CADM2: variants seen among roughly 807,000 people sequenced by gnomAD.
The protein encoded by CADM2 is immunoglobulin superfamily member 4D.
CADM2 carries 12 observed loss-of-function variants against 49.8 expected under a neutral mutation model. The observed-to-expected ratio is 0.24, with a 90% CI of 0.15 to 0.39. The LOEUF (loss-of-function observed/expected upper bound fraction) is 0.39. CADM2 is among the 10% of genes least tolerant of loss of function. The pLI is 1.00. For synonymous variants in CADM2, 214 were observed against 175.4 expected (o/e 1.22, Z -1.74); for missense variants, 378 against 492.3 (o/e 0.77, Z 2.20).
At chr3:85,759,785 C>T (rs1201913967) in intron 2 of CADM2, among the ~76,000 whole-genome samples, 1 of 152,028 alleles carries the variant, frequency 6.6e-6, no homozygotes, top group African/African-American at 2.4e-5. Flanking sequence ...ACAGTCTCTG[C>T]CATACTGGGG....
intron 1 of CADM2, among the ~76,000 whole-genome samples, chr3:85,343,135 C>T (rs976572995): frequency 2.6e-5 from 4 of 152,080 alleles, no homozygotes; most frequent in African/African-American, 9.7e-5. Flanking sequence ...TGGGTAGGGG[C>T]AGGGATGCTG....
intron 1 of CADM2, among the ~76,000 whole-genome samples, chr3:85,361,349 T>C (rs966137026): frequency 6.6e-6 from 1 of 152,156 alleles, no homozygotes; most frequent in Non-Finnish European, 1.5e-5. Context: ...AGTTTCTGAT[T>C]GGTACACAGT....
At chr3:85,959,033 T>C (rs1210211344) in intron 7 of CADM2, among the ~76,000 whole-genome samples, 5 of 128,756 alleles carry the variant, frequency 3.9e-5, no homozygotes, top group Non-Finnish European at 7.6e-5. Context: ...AAAAAATCTA[T>C]ATCTATATCT....
At chr3:85,332,092 A>G (rs1486999213) in intron 1 of CADM2, among the ~76,000 whole-genome samples, 1 of 152,092 alleles carries the variant, frequency 6.6e-6, no homozygotes, top group African/African-American at 2.4e-5. Context: ...TCCTCACATC[A>G]GTCACAATAT....
chr3:85,133,816 G>C (rs369907713), intron 1 of CADM2, among the ~76,000 whole-genome samples: 4 of 152,218 alleles, frequency 2.6e-5, no homozygotes, highest in African/African-American at 9.6e-5. Context: ...ATCCCTCACC[G>C]GGGCTGCAGG....
At chr3:85,275,667 A>G (rs1576261526) in intron 1 of CADM2, among the ~76,000 whole-genome samples, 3 of 151,214 alleles carry the variant, frequency 2.0e-5, no homozygotes, top group Non-Finnish European at 4.4e-5. Flanking sequence ...TGCATATTTT[A>G]CAAAATGTTC....
chr3:85,218,556 T>C (rs1170128922), intron 1 of CADM2, among the ~76,000 whole-genome samples: 2 of 152,122 alleles, frequency 1.3e-5, no homozygotes, highest in African/African-American at 4.8e-5. Flanking sequence ...CCAGCACTTT[T>C]GGAGCCCGAG....
intron 1 of CADM2, among the ~76,000 whole-genome samples, chr3:85,488,401 A>G (rs1264504064): frequency 1.3e-5 from 2 of 152,272 alleles, no homozygotes; most frequent in East Asian, 3.9e-4. Context: ...GATCCACTAA[A>G]CATGGTAGCC....
chr3:85,803,518 T>TAGATAGATAGAC, intron 3 of CADM2, among the ~76,000 whole-genome samples: 1 of 151,844 alleles, frequency 6.6e-6, no homozygotes, highest in Admixed American at 6.6e-5. Context: ...GATAGATAGA[T>TAGATAGATAGAC]AGATAGATAG....
chr3:85,269,714 A>C (rs2043195290), intron 1 of CADM2, among the ~76,000 whole-genome samples: 1 of 151,418 alleles, frequency 6.6e-6, no homozygotes, highest in Non-Finnish European at 1.5e-5. Flanking sequence ...ATCAAAAGAC[A>C]TATGGCATTA....
rs192177647 is a variant in CADM2 at position 85,532,745 on chromosome 3, A to T, written c.62-193777A>T. Among the ~76,000 whole-genome samples the T allele has an allele frequency of 2.0e-5, 3 of 152,344 alleles. No individual in the cohort carries two copies. The East Asian group carries it at 5.8e-4, about 29-fold the overall frequency. On this transcript the variant is annotated intron_variant, in intron 1 of 9. Coordinates refer to ENST00000383699, the MANE Select transcript of CADM2 (RefSeq NM_001167675.2). The stretch of plus-strand genomic sequence containing the variant: ...TTCAGCACTTCATAATAACAAATAC[A>T]TGAACTCAACCTAAATGCCCATCAG...
At chr3:85,539,039 A>G (rs1022817068) in intron 1 of CADM2, among the ~76,000 whole-genome samples, 1 of 152,042 alleles carries the variant, frequency 6.6e-6, no homozygotes, top group African/African-American at 2.4e-5. Flanking sequence ...TTATACAGGG[A>G]AGCCTGAATT....
chr3:86,057,208 A>T (rs959104990), intron 8 of CADM2, among the ~76,000 whole-genome samples: 1 of 152,200 alleles, frequency 6.6e-6, no homozygotes. Flanking sequence ...CTTATGTCAA[A>T]GAACAGTTTA....
intron 1 of CADM2, among the ~76,000 whole-genome samples, chr3:85,354,388 G>T (rs1391108644): frequency 6.7e-6 from 1 of 149,894 alleles, no homozygotes; most frequent in Non-Finnish European, 1.5e-5. Context: ...AGCATTAAGA[G>T]ATACACCTAA....
chr3:85,025,814 CA>C lies in CADM2; in HGVS notation c.61+66157del, dbSNP rs113769156. Among the ~76,000 whole-genome samples the C allele has an allele frequency of 5.1e-3, 732 of 143,284 alleles. 1 individual carries two copies. Among genetic ancestry groups the C allele is most frequent in the African/African-American group, 0.015 (585 of 39,316 alleles). The allele number at this position is 143,284 out of a possible 152,430, so 94.0% of individuals were successfully genotyped here. ...TGAATGTTTTCGCTATATCATGTTT[CA>C]AAAAAAAAAACACATTATTTCTAGA... On this transcript the variant is annotated intron_variant, in intron 1 of 9. Coordinates refer to ENST00000383699, the MANE Select transcript of CADM2 (RefSeq NM_001167675.2).
chr3:85,145,653 T>A (rs2039716314), intron 1 of CADM2, among the ~76,000 whole-genome samples: 1 of 152,114 alleles, frequency 6.6e-6, no homozygotes, highest in Non-Finnish European at 1.5e-5. Flanking sequence ...GGCAAAAGAA[T>A]CATCCCTGTC....
At chr3:85,503,080 CTTA>C (rs2040183997) in intron 1 of CADM2, among the ~76,000 whole-genome samples, 1 of 151,918 alleles carries the variant, frequency 6.6e-6, no homozygotes, top group Non-Finnish European at 1.5e-5. Flanking sequence ...GCCACACATA[CTTA>C]CATATACTCC....
intron 5 of CADM2, among the ~76,000 whole-genome samples, chr3:85,907,823 A>C (rs571092375): frequency 3.9e-5 from 6 of 151,958 alleles, no homozygotes; most frequent in Non-Finnish European, 7.4e-5. Context: ...AGGCAGGAGA[A>C]TCACTTGAAC....
chr3:85,315,898 C>G (rs925885709), intron 1 of CADM2, among the ~76,000 whole-genome samples: 9 of 151,940 alleles, frequency 5.9e-5, no homozygotes, highest in African/African-American at 1.9e-4. Context: ...TATATATTTA[C>G]GTACACATGC....
Sources: gnomAD v4.1 joint callset for allele counts (sites outside exome capture counted in the v4.1 genomes callset) on GRCh38, gnomAD v4.1.1 for gene constraint, MANE v1.5 for transcripts, NCBI Gene and HGNC (gene_info 2026-07-23, HGNC 2026-07-21) for gene names.